ASAH1: variants seen among roughly 807,000 people sequenced by gnomAD.
ASAH1 encodes acid ceramidase.
ASAH1 carries 70 observed loss-of-function variants against 59.5 expected under a neutral mutation model. The observed-to-expected ratio is 1.18, with a 90% CI of 0.97 to 1.43. ASAH1 has a LOEUF of 1.43. Among genes scored for constraint, ASAH1 ranks in the 40% most tolerant of loss-of-function variants. ASAH1 has a pLI of 0.00. For missense variants in ASAH1, 660 were observed against 482.5 expected, an observed-to-expected ratio of 1.37 and a Z score of -3.45; for synonymous variants, 213 against 166.5, an observed-to-expected ratio of 1.28 and a Z score of -2.15.
Position 18,079,683 on chromosome 8 carries a change from T to C in ASAH1, c.79-4096A>G, listed in dbSNP as rs561422991. 9.4e-4 allele frequency among the ~76,000 whole-genome samples: 143 copies of C among 152,328 alleles called. 5 individuals carry two copies. In the South Asian group the frequency reaches 0.027, roughly 29 times the overall value. On this transcript the variant is annotated intron_variant, in intron 1 of 13. Transcript: ENST00000637790. ...GGATAATCTAAAATTACATACCTCA[T>C]GTCAGTTTTCATACCCACCAGAAGC...
Position 18,064,837 on chromosome 8 carries a change from G to A in ASAH1, c.383-306C>T, listed in dbSNP as rs151304756. Reference sequence around the variant, plus strand: ...TCATTTTGAATTTTCTTTTGGGAGCGTAAATATGATCATTTAATACATCTG... The same window carrying A: ...TCATTTTGAATTTTCTTTTGGGAGCATAAATATGATCATTTAATACATCTG... On this transcript the variant is annotated intron_variant, in intron 5 of 13. Transcript: ENST00000637790. 139 of 296,162 alleles carry A rather than the reference G, an allele frequency of 4.7e-4. 1 individual carries two copies. Among genetic ancestry groups the A allele is most frequent in the Non-Finnish European group, 3.5e-4 (56 of 158,120 alleles). The allele number at this position is 296,162 out of a possible 1,614,324, so 18.3% of individuals were successfully genotyped here.
chr8:18,064,458 T>A lies in ASAH1; in HGVS notation c.456A>T (p.Lys152Asn). ...ICTSIVAEDK[K>N]GHLIHGRNMD... ...CACCCTCCCTCAGCGCACAATTACC[T>A]TTTTTGTCTTCTGCTACTATTGAAG... is the stretch of plus-strand genomic sequence containing the variant. The change falls in exon 6 of 14, where the codon AAA becomes AAT. Residue 152 changes from lysine to asparagine, a missense_variant and splice_region_variant. Transcript: ENST00000637790. 6.4e-7 allele frequency: 1 copy of A among 1,553,662 alleles called. No homozygotes were observed.
chr8:18,062,991 T>C (rs1799771415), intron 7 of ASAH1, 194 bp downstream of exon 7: 1 of 548,972 alleles, frequency 1.8e-6, no homozygotes, highest in Non-Finnish European at 3.3e-6. Flanking sequence ...TGCCTCAGGC[T>C]CCCAAGTAGC....
intron 2 of ASAH1, among the ~76,000 whole-genome samples, chr8:18,075,236 A>G (rs905042367): frequency 2.0e-5 from 3 of 151,718 alleles, no homozygotes; most frequent in African/African-American, 7.3e-5. Context: ...CTTATGATTT[A>G]CCCGCCTCGG....
At chr8:18,079,291 A>AC (rs1459972273) in intron 1 of ASAH1, among the ~76,000 whole-genome samples, 7 of 151,430 alleles carry the variant, frequency 4.6e-5, no homozygotes, top group Non-Finnish European at 8.8e-5. Context: ...AAAAAAAACA[A>AC]AAAACTCTCT....
chr8:18,061,402 T>C lies in ASAH1; in HGVS notation c.760A>G (p.Arg254Gly), dbSNP rs1564537266. ...CTTGTGCTATTTTCCAGAACTGTTC[T>C]AGTGAGGAACCCTATCCACATGACA... ...KDVMWIGFLT[R>G]TVLENSTSYE... Residue 254 changes from arginine (R) to glycine (G), a missense_variant, in exon 10 of 14, where the codon AGA becomes GGA. Coordinates refer to ENST00000637790, the MANE Select transcript of ASAH1 (RefSeq NM_177924.5). 2 of 1,612,548 alleles carry C rather than the reference T, an allele frequency of 1.2e-6. No homozygotes were observed. The highest frequency in any genetic ancestry group is 1.7e-6 in the Non-Finnish European group (2 of 1,178,478).
chr8:18,058,996 TC>T, intron 12 of ASAH1, 105 bp from the exon 13 acceptor site: 2 of 982,474 alleles, frequency 2.0e-6, no homozygotes, highest in Non-Finnish European at 3.2e-6. Context: ...TTAATCAACC[TC>T]CCCTCCATCC....
intron 1 of ASAH1, among the ~76,000 whole-genome samples, chr8:18,078,147 A>C (rs934598647): frequency 4.6e-5 from 7 of 152,156 alleles, no homozygotes; most frequent in African/African-American, 1.4e-4. Context: ...AACTCGGCAA[A>C]TTAAGTGAAA....
Position 18,063,344 on chromosome 8 carries a change from G to A in ASAH1, c.458-114C>T. The A allele has an allele frequency of 4.9e-6, 5 of 1,019,536 alleles. No individual in the cohort carries two copies. The Admixed American group carries it at 7.0e-5, about 14-fold the overall frequency. 63.2% of individuals were successfully genotyped at this position (1,019,536 alleles called of 1,614,324 possible). A position where few individuals can be genotyped will look rare whatever the true frequency, so the allele number is the denominator to read the frequency against. ...TTTGAGACAGAGTCTCGTTCTGTTG[G>A]CCAGACTGGAGTGCAGTGGTGCGAT... On this transcript the variant is annotated intron_variant, in intron 6 of 13. Transcript: ENST00000637790.
chr8:18,059,402 G>C lies in ASAH1; in HGVS notation c.980C>G (p.Pro327Arg), dbSNP rs772864543. 4 of 1,614,178 alleles carry C rather than the reference G, an allele frequency of 2.5e-6. No homozygotes were observed. In the East Asian group the frequency reaches 6.7e-5, roughly 27 times the overall value. Residue 327 changes from proline (P) to arginine (R), a missense_variant, in exon 12 of 14, where the codon CCC becomes CGC. Physicochemically the swap from Pro to Arg is moderately radical, Grantham distance 103. Transcript: ENST00000637790. ...CGTTCTGCGATCATCAAGGAAGAAG[G>C]GATGTTTCCAACGGTCATAATTTGT... ...VQTNYDRWKH[P>R]FFLDDRRTPA...
chr8:18,081,588 C>T (rs1800657100), intron 1 of ASAH1, among the ~76,000 whole-genome samples: 1 of 152,074 alleles, frequency 6.6e-6, no homozygotes, highest in South Asian at 2.1e-4. Context: ...TAATAGACTC[C>T]TAAAAAATTC....
intron 3 of ASAH1, among the ~76,000 whole-genome samples, chr8:18,070,517 C>T (rs1800121279): frequency 6.6e-6 from 1 of 152,070 alleles, no homozygotes; most frequent in Non-Finnish European, 1.5e-5. Context: ...CTTCTGATCT[C>T]AGGTGATCCG....
At chr8:18,084,112 G>C (rs1309071008), upstream of ASAH1, 14 of 1,589,366 alleles carry the variant, frequency 8.8e-6, no homozygotes, top group Admixed American at 1.5e-4. Flanking sequence ...AAGAAGAGCC[G>C]GCTGGGCCGG....
chr8:18,070,930 G>A (rs188314636), intron 3 of ASAH1, among the ~76,000 whole-genome samples: 16 of 152,170 alleles, frequency 1.1e-4, no homozygotes, highest in African/African-American at 3.1e-4. Flanking sequence ...AAATATGGCC[G>A]GGCATGGCGG....
At chr8:18,084,206 CG>C, upstream of ASAH1, 1 of 1,519,158 alleles carries the variant, frequency 6.6e-7, no homozygotes, top group Non-Finnish European at 8.8e-7. Context: ...TCGGAGGAGG[CG>C]GGACTGGGAG....
intron 5 of ASAH1, 146 bp downstream of exon 5, chr8:18,067,074 T>G: frequency 9.7e-6 from 2 of 206,604 alleles, no homozygotes; most frequent in Non-Finnish European, 2.2e-5. Flanking sequence ...TTCTGAAGCT[T>G]CACTGAGCTG....
intron 3 of ASAH1, 92 bp downstream of exon 3, chr8:18,071,208 A>C: frequency 2.7e-6 from 2 of 749,582 alleles, no homozygotes; most frequent in South Asian, 7.1e-5. Flanking sequence ...CTCTGTCTCA[A>C]AACAAAAAAA....
chr8:18,073,540 C>T (rs1588996114), intron 2 of ASAH1, among the ~76,000 whole-genome samples: 1 of 152,156 alleles, frequency 6.6e-6, no homozygotes, highest in African/African-American at 2.4e-5. Context: ...CTAGGCATCC[C>T]GTGAGCAGTG....
chr8:18,057,480 T>G lies in ASAH1; in HGVS notation c.*54A>C. Reference sequence around the variant, plus strand: ...CAGACAGCTGCAGTGTTCGGTCACATGGAGATGGTGTCTTCATGTCTCAGA... The same window carrying G: ...CAGACAGCTGCAGTGTTCGGTCACAGGGAGATGGTGTCTTCATGTCTCAGA... On this transcript the variant is annotated 3_prime_UTR_variant, in exon 14 of 14. Transcript: ENST00000637790. 140 of 1,397,020 alleles carry G rather than the reference T, an allele frequency of 1.0e-4. No homozygotes were observed. Among genetic ancestry groups the G allele is most frequent in the Non-Finnish European group, 1.3e-4 (127 of 997,046 alleles). The allele number at this position is 1,397,020 out of a possible 1,614,324, so 86.5% of individuals were successfully genotyped here. A position where few individuals can be genotyped will look rare whatever the true frequency, so the allele number is the denominator to read the frequency against.
Sources: gnomAD v4.1 joint callset for allele counts (sites outside exome capture counted in the v4.1 genomes callset) on GRCh38, gnomAD v4.1.1 for gene constraint, MANE v1.5 for transcripts, NCBI Gene and HGNC (gene_info 2026-07-23, HGNC 2026-07-21) for gene names.